Variants in ELP1 observed in about 807,000 individuals in gnomAD.
The protein encoded by ELP1 is elongator acetyltransferase complex subunit 1, also known as elongator complex protein 1.
A neutral mutation model predicts 183.2 loss-of-function variants in ELP1; 131 were observed. The ratio of observed to expected loss-of-function variants is 0.72; its 90% CI spans 0.62 to 0.83. ELP1 has a LOEUF of 0.83. ELP1 is among the 40% of genes least tolerant of loss of function. ELP1 has a pLI of 0.00. For synonymous variants in ELP1, 555 were observed against 569.0 expected, an observed-to-expected ratio of 0.98 and a Z score of 0.35; for missense variants, 1,550 against 1,594.9, an observed-to-expected ratio of 0.97 and a Z score of 0.48.
intron 2 of ELP1, 92 bp downstream of exon 2, chr9:108,930,905 G>C: frequency 8.4e-7 from 1 of 1,195,324 alleles, no homozygotes; most frequent in Non-Finnish European, 1.2e-6. Context: ...AATTCAATAA[G>C]ATATAAAGAA....
intron 5 of ELP1, 58 bp downstream of exon 5, chr9:108,926,465 A>G: frequency 7.5e-7 from 1 of 1,340,342 alleles, no homozygotes; most frequent in Non-Finnish European, 1.1e-6. Flanking sequence ...TGCACAAGGA[A>G]ATGGTCAAAA....
intron 36 of ELP1, 44 bp from the exon 37 acceptor site, chr9:108,869,226 G>A: frequency 1.3e-6 from 2 of 1,535,792 alleles, no homozygotes; most frequent in Non-Finnish European, 9.0e-7. Context: ...ACATACTCTT[G>A]TTGGAGGGCG....
At chr9:108,917,339 A>AC (rs1829475741) in intron 9 of ELP1, among the ~76,000 whole-genome samples, 1 of 152,072 alleles carries the variant, frequency 6.6e-6, no homozygotes, top group African/African-American at 2.4e-5. Flanking sequence ...TGGTGGCGCA[A>AC]GCCTGTAATC....
Position 108,868,676 on chromosome 9 carries a change from G to A in ELP1, c.*439C>T. Reference sequence around the variant, plus strand: ...TTTTTATTCTGCTTTAGTTTAAGGTGACAAGAAGCTATTTAAGTGATTACA... The same window carrying A: ...TTTTTATTCTGCTTTAGTTTAAGGTAACAAGAAGCTATTTAAGTGATTACA... On this transcript the variant is annotated 3_prime_UTR_variant, in exon 37 of 37. Transcript: ENST00000374647. 1 of 468,608 alleles carries A rather than the reference G, an allele frequency of 2.1e-6. No homozygotes were observed. The highest frequency in any genetic ancestry group is 3.7e-6 in the Non-Finnish European group (1 of 268,128). 29.0% of individuals were successfully genotyped at this position (468,608 alleles called of 1,614,324 possible).
At chr9:108,890,250 A>G (rs370133717) in intron 28 of ELP1, among the ~76,000 whole-genome samples, 8 of 152,378 alleles carry the variant, frequency 5.3e-5, no homozygotes, top group African/African-American at 1.7e-4. Context: ...AAAAGAGGCC[A>G]GCATGGAAAC....
rs1288879706 is a variant in ELP1, at chr9:108,919,244, T to C, written c.649+9A>G. 1 of 1,596,176 alleles carries C rather than the reference T, an allele frequency of 6.3e-7. No homozygotes were observed. Among genetic ancestry groups the C allele is most frequent in the East Asian group, 2.2e-5 (1 of 44,808 alleles). ...TTTATTGTTGTTTAACTGCAATATA[T>C]TTCCATACCTGTTTCTGGGCAAACA... On this transcript the variant is annotated intron_variant, in intron 7 of 36. Transcript: ENST00000374647.
rs1450510797 is a variant in ELP1 at position 108,912,295 on chromosome 9, A to C, written c.1158T>G (p.Ser386Arg). The C allele has an allele frequency of 6.2e-7, 1 of 1,614,140 alleles. No individual in the cohort carries two copies. The highest frequency in any genetic ancestry group is 2.2e-5 in the East Asian group (1 of 44,876). ...CAATGACAGCCACATTGGACAAGTCACTTGAATTATCTCCCACGCTCCGGT... is the reference window on the plus strand; with the variant it reads ...CAATGACAGCCACATTGGACAAGTCCCTTGAATTATCTCCCACGCTCCGGT... Reference protein sequence around the residue: ...TTDRSVGDNSSDLSNVAVIDG... With the variant: ...TTDRSVGDNSRDLSNVAVIDG... Residue 386 changes from serine (S) to arginine (R), a missense_variant, in exon 11 of 37, where the codon AGT becomes AGG. Ser to Arg is a moderately radical substitution (Grantham distance 110). Coordinates refer to ENST00000374647, the MANE Select transcript of ELP1 (RefSeq NM_003640.5).
intron 1 of ELP1, 145 bp from the exon 2 acceptor site, chr9:108,931,346 G>T: frequency 1.7e-6 from 1 of 581,830 alleles, no homozygotes; most frequent in Non-Finnish European, 3.0e-6. Flanking sequence ...CCCATGTATG[G>T]ATTATAGCAG....
intron 1 of ELP1, among the ~76,000 whole-genome samples, chr9:108,933,566 C>G (rs1830070806): frequency 6.6e-6 from 1 of 152,258 alleles, no homozygotes; most frequent in Non-Finnish European, 1.5e-5. Context: ...CGCCTTCCAT[C>G]GTGAATTAAT....
In ELP1 at chr9:108,898,825, T is replaced by C. The variant is rs1828658398; in HGVS notation, c.2205-76A>G. 6.2e-6 allele frequency: 6 copies of C among 964,356 alleles called. No individual in the cohort carries two copies. In the Admixed American group the frequency reaches 1.0e-4, roughly 17 times the overall value. The allele number at this position is 964,356 out of a possible 1,614,324, so 59.7% of individuals were successfully genotyped here. ...CCATGGGCCCAGCATATTTTCATTATGATACAAACCAGTTATAATCAGATT... is the reference window on the plus strand; with the variant it reads ...CCATGGGCCCAGCATATTTTCATTACGATACAAACCAGTTATAATCAGATT... On this transcript the variant is annotated intron_variant, in intron 20 of 36. Coordinates refer to ENST00000374647, the MANE Select transcript of ELP1 (RefSeq NM_003640.5).
rs41313339 is a variant in ELP1 at position 108,898,432 on chromosome 9, T to C, written c.2363+70A>G. 0.014 allele frequency: 13,978 copies of C among 1,018,548 alleles called. 154 individuals are homozygous for C. Among genetic ancestry groups the C allele is most frequent in the South Asian group, 0.03 (2,061 of 68,984 alleles). 63.1% of individuals were successfully genotyped at this position (1,018,548 alleles called of 1,614,324 possible). A position where few individuals can be genotyped will look rare whatever the true frequency, so the allele number is the denominator to read the frequency against. Reference sequence around the variant, plus strand: ...GGAATTTTTCTTCTCTAGCTATTTATGCTTGATTTCCTTAACAAGAAGAGA... The same window carrying C: ...GGAATTTTTCTTCTCTAGCTATTTACGCTTGATTTCCTTAACAAGAAGAGA... On this transcript the variant is annotated intron_variant, in intron 22 of 36. Transcript: ENST00000374647.
chr9:108,869,597 T>C (rs1380526363), intron 36 of ELP1, among the ~76,000 whole-genome samples: 1 of 152,180 alleles, frequency 6.6e-6, no homozygotes, highest in African/African-American at 2.4e-5. Context: ...ACATATTCAG[T>C]AAGTGAAGTT....
At chr9:108,887,254 CACTT>C in intron 29 of ELP1, among the ~76,000 whole-genome samples, 1 of 152,132 alleles carries the variant, frequency 6.6e-6, no homozygotes, top group Admixed American at 6.5e-5. Context: ...GCAAACATGA[CACTT>C]AATGCTAAAA....
At chr9:108,901,390 A>G in intron 18 of ELP1, 35 bp downstream of exon 18, 1 of 1,420,302 alleles carries the variant, frequency 7.0e-7, no homozygotes, top group Non-Finnish European at 9.9e-7. Flanking sequence ...ACATTGGAGA[A>G]GGGACCATTT....
In ELP1 at chr9:108,918,898, G is replaced by A. The variant is rs1564102159; in HGVS notation, c.653C>T (p.Ala218Val). 2 of 1,613,662 alleles carry A rather than the reference G, an allele frequency of 1.2e-6. No individual in the cohort carries two copies. The highest frequency in any genetic ancestry group is 1.7e-6 in the Non-Finnish European group (2 of 1,179,546). Reference sequence around the variant, plus strand: ...TCGGTTCCACACTCTGACCTTCCGAGCCCCTGTGCGGGAGTGGAGTCAAAC... The same window carrying A: ...TCGGTTCCACACTCTGACCTTCCGAACCCCTGTGCGGGAGTGGAGTCAAAC... ...AVSVVCPETG[A>V]RKVRVWNREF... Residue 218 changes from alanine to valine, a missense_variant, in exon 8 of 37, where the codon GCT becomes GTT. Physicochemically the swap from Ala to Val is moderately conservative, Grantham distance 64 (BLOSUM62 0). Coordinates refer to ENST00000374647, the MANE Select transcript of ELP1 (RefSeq NM_003640.5).
At chr9:108,928,997 A>C (rs1829909698) in intron 3 of ELP1, among the ~76,000 whole-genome samples, 1 of 152,222 alleles carries the variant, frequency 6.6e-6, no homozygotes, top group Non-Finnish European at 1.5e-5. Flanking sequence ...AGGAAACAAC[A>C]ACCTACTGCA....
rs370575901 is a variant in ELP1 at position 108,899,861 on chromosome 9, C to T, written c.2165G>A (p.Arg722Gln). The stretch of plus-strand genomic sequence containing the variant: ...CCGAATCTGAGCTAAAACCAGGGCT[C>T]GATGATGAACAACTTCTAAGTTTCC... ...PRGNLEVVHH[R>Q]ALVLAQIRKW... is the part of the protein sequence containing the mutation. Residue 722 changes from arginine (R) to glutamine (Q), a missense_variant, in exon 20 of 37, where the codon CGA (arginine) becomes CAA (glutamine). Transcript: ENST00000374647. 22 of 1,613,966 alleles carry T rather than the reference C, an allele frequency of 1.4e-5. No individual in the cohort carries two copies. The highest frequency in any genetic ancestry group is 1.1e-4 in the African/African-American group (8 of 74,992).
At chr9:108,879,965 G>C in intron 32 of ELP1, 87 bp downstream of exon 32, 1 of 875,154 alleles carries the variant, frequency 1.1e-6, no homozygotes. Flanking sequence ...TCAGATTGCA[G>C]GCGGATCACC....
intron 18 of ELP1, among the ~76,000 whole-genome samples, chr9:108,901,065 G>C (rs1481575121): frequency 3.9e-5 from 6 of 152,128 alleles, no homozygotes; most frequent in Non-Finnish European, 4.4e-5. Flanking sequence ...CAGATGTACA[G>C]TGGAGGGTGG....
Sources: allele counts gnomAD v4.1 joint callset (sites outside exome capture counted in the v4.1 genomes callset), GRCh38; gene constraint gnomAD v4.1.1; transcripts MANE v1.5; gene names NCBI Gene and HGNC (gene_info 2026-07-23, HGNC 2026-07-21).